The following PDE4D variants were observed in gnomAD, a reference collection of about 807,000 sequenced individuals.
The protein encoded by PDE4D is 3',5'-cyclic-AMP phosphodiesterase 4D.
Under a neutral mutation model 87.4 loss-of-function variants are expected in PDE4D, and 24 were observed. That is an observed-to-expected ratio of 0.27 (90% confidence interval 0.20 to 0.39). The LOEUF is 0.39. PDE4D is among the 10% of genes least tolerant of loss of function. The pLI, the probability that PDE4D is intolerant of heterozygous loss-of-function variation, is 1.00. For synonymous variants in PDE4D, 384 were observed against 383.2 expected (o/e 1.00, Z -0.02); for missense variants, 714 against 1,041.0 (o/e 0.69, Z 4.32).
chr5:59,181,543 G>GATTGATATATATAT (rs1741554882), intron 4 of PDE4D, among the ~76,000 whole-genome samples: 1 of 118,944 alleles, frequency 8.4e-6, no homozygotes, highest in African/African-American at 3.8e-5. Context: ...AAAGATGTCT[G>GATTGATATATATAT]ATATATATAT....
At chr5:59,957,170 C>T (rs1256876019) in intron 3 of PDE4D, among the ~76,000 whole-genome samples, 1 of 152,142 alleles carries the variant, frequency 6.6e-6, no homozygotes, top group Non-Finnish European at 1.5e-5. Flanking sequence ...CCATGGTATC[C>T]AATCAGCTAG....
chr5:59,723,562 T>G (rs535736269), intron 1 of PDE4D, among the ~76,000 whole-genome samples: 5 of 152,168 alleles, frequency 3.3e-5, no homozygotes, highest in Non-Finnish European at 7.4e-5. Context: ...AGACTTTTCA[T>G]TTACATACAA....
At chr5:60,035,490 G>C (rs1159919661) in intron 2 of PDE4D, among the ~76,000 whole-genome samples, 1 of 152,108 alleles carries the variant, frequency 6.6e-6, no homozygotes, top group African/African-American at 2.4e-5. Flanking sequence ...AGAACCAAGA[G>C]CCAAACTCTG....
At chr5:59,773,831 A>T (rs1267076886) in intron 1 of PDE4D, among the ~76,000 whole-genome samples, 1 of 152,176 alleles carries the variant, frequency 6.6e-6, no homozygotes, top group Non-Finnish European at 1.5e-5. Flanking sequence ...TTTATTAGGT[A>T]CTGGGCTAGT....
intron 1 of PDE4D, among the ~76,000 whole-genome samples, chr5:59,863,983 G>A (rs568273189): frequency 2.6e-5 from 4 of 152,140 alleles, no homozygotes; most frequent in South Asian, 4.1e-4. Context: ...AGTGCCCTGC[G>A]TGTAGTATTC....
At chr5:59,101,977 C>T (rs1418595827) in intron 5 of PDE4D, among the ~76,000 whole-genome samples, 1 of 151,808 alleles carries the variant, frequency 6.6e-6, no homozygotes, top group Non-Finnish European at 1.5e-5. Context: ...CTGTGCCCAT[C>T]GAGTTGAGCT....
chr5:59,289,556 A>G (rs1344616384), intron 1 of PDE4D, among the ~76,000 whole-genome samples: 1 of 152,034 alleles, frequency 6.6e-6, no homozygotes, highest in Non-Finnish European at 1.5e-5. Context: ...TAAAAGTCAT[A>G]TATAACAGAC....
chr5:59,753,192 T>G (rs191341351), intron 1 of PDE4D, among the ~76,000 whole-genome samples: 2 of 152,160 alleles, frequency 1.3e-5, no homozygotes, highest in African/African-American at 4.8e-5. Flanking sequence ...ACATCCTTAG[T>G]GGGAAGGAGC....
At chr5:59,479,282 G>A (rs991479637) in intron 1 of PDE4D, among the ~76,000 whole-genome samples, 3 of 151,954 alleles carry the variant, frequency 2.0e-5, no homozygotes, top group East Asian at 1.9e-4. Flanking sequence ...CCTAAGCACC[G>A]TCATGGTTGG....
At chr5:59,205,503 T>C (rs984134584) in intron 2 of PDE4D, among the ~76,000 whole-genome samples, 17 of 152,236 alleles carry the variant, frequency 1.1e-4, no homozygotes, top group African/African-American at 4.1e-4. Flanking sequence ...TATGCTCAAA[T>C]GGATTTAGAC....
At chr5:59,775,343 T>G (rs1028775559) in intron 1 of PDE4D, among the ~76,000 whole-genome samples, 1 of 152,158 alleles carries the variant, frequency 6.6e-6, no homozygotes, top group African/African-American at 2.4e-5. Context: ...AGATCATCCC[T>G]TAGCCTATTG....
chr5:59,369,684 T>C (rs1333202692), intron 1 of PDE4D, among the ~76,000 whole-genome samples: 1 of 151,936 alleles, frequency 6.6e-6, no homozygotes, highest in African/African-American at 2.4e-5. Flanking sequence ...AATGTTGGAG[T>C]GTTGCCACTG....
At chr5:60,057,723 T>A (rs1770932876) in intron 2 of PDE4D, among the ~76,000 whole-genome samples, 1 of 152,050 alleles carries the variant, frequency 6.6e-6, no homozygotes, top group Non-Finnish European at 1.5e-5. Flanking sequence ...TTCCTATCTG[T>A]AACATGCTGT....
chr5:59,125,190 A>G (rs1401109925), intron 5 of PDE4D: 2 of 621,888 alleles, frequency 3.2e-6, no homozygotes, highest in Admixed American at 6.3e-5. Context: ...ATGGCTCATT[A>G]AGCTAGAGTT....
chr5:59,357,980 T>G (rs1362884039), intron 1 of PDE4D, among the ~76,000 whole-genome samples: 1 of 152,192 alleles, frequency 6.6e-6, no homozygotes, highest in East Asian at 1.9e-4. Flanking sequence ...CTCTCTGAAC[T>G]GGACAAAATT....
intron 1 of PDE4D, among the ~76,000 whole-genome samples, chr5:59,692,245 A>C (rs1483333392): frequency 6.6e-6 from 1 of 152,126 alleles, no homozygotes; most frequent in East Asian, 1.9e-4. Flanking sequence ...TTAAAGAGAG[A>C]GCTCTTGGTC....
intron 1 of PDE4D, among the ~76,000 whole-genome samples, chr5:60,407,051 T>C (rs560379299): frequency 6.1e-4 from 89 of 145,598 alleles, no homozygotes; most frequent in Non-Finnish European, 1.1e-3. Context: ...GGAGATGAGA[T>C]GTGACGGAAA....
chr5:59,934,158 G>C (rs954106220), intron 3 of PDE4D, among the ~76,000 whole-genome samples: 1 of 152,030 alleles, frequency 6.6e-6, no homozygotes, highest in African/African-American at 2.4e-5. Context: ...GTAGAGACAG[G>C]GTTTTACCAT....
chr5:60,143,463 A>C (rs1780714905), intron 2 of PDE4D, among the ~76,000 whole-genome samples: 1 of 152,188 alleles, frequency 6.6e-6, no homozygotes, highest in Non-Finnish European at 1.5e-5. Flanking sequence ...TCTGGATTTT[A>C]TTATTCATCT....
Sources: allele counts gnomAD v4.1 joint callset (sites outside exome capture counted in the v4.1 genomes callset), GRCh38; gene constraint gnomAD v4.1.1; transcripts MANE v1.5; gene names NCBI Gene and HGNC (gene_info 2026-07-23, HGNC 2026-07-21).